Variants in CDKAL1 observed in about 807,000 individuals in gnomAD.
CDKAL1 encodes the protein threonylcarbamoyladenosine tRNA methylthiotransferase.
CDKAL1 carries 32 observed loss-of-function variants against 68.2 expected under a neutral mutation model. That is an observed-to-expected ratio of 0.47 (90% CI 0.35 to 0.63). CDKAL1 has a LOEUF of 0.63. CDKAL1 is among the 30% of genes least tolerant of loss of function. CDKAL1 has a pLI of 0.00. For synonymous variants in CDKAL1, 234 were observed against 244.3 expected (o/e 0.96, Z 0.39); for missense variants, 606 against 696.7 (o/e 0.87, Z 1.47).
chr6:21,134,141 GA>G (rs113453448), intron 13 of CDKAL1, among the ~76,000 whole-genome samples: 32 of 151,678 alleles, frequency 2.1e-4, no homozygotes, highest in Non-Finnish European at 1.5e-5. Context: ...ATAATGTCGA[GA>G]AAAAAAAGAG....
At chr6:20,703,722 T>C (rs1296569346) in intron 5 of CDKAL1, among the ~76,000 whole-genome samples, 1 of 152,090 alleles carries the variant, frequency 6.6e-6, no homozygotes, top group Non-Finnish European at 1.5e-5. Flanking sequence ...AAAAACATGA[T>C]ATAATAGTAA....
chr6:20,947,680 C>T (rs1764316144), intron 9 of CDKAL1, among the ~76,000 whole-genome samples: 2 of 152,164 alleles, frequency 1.3e-5, no homozygotes, highest in Non-Finnish European at 2.9e-5. Flanking sequence ...CTTAGCGTAG[C>T]CTACCTTAAA....
intron 13 of CDKAL1, among the ~76,000 whole-genome samples, chr6:21,161,553 T>C (rs967770293): frequency 2.0e-5 from 3 of 152,216 alleles, no homozygotes; most frequent in East Asian, 1.9e-4. Flanking sequence ...TAATCACTTA[T>C]TTGCCTTTCT....
At chr6:21,185,225 A>G (rs938510237) in intron 13 of CDKAL1, among the ~76,000 whole-genome samples, 1 of 91,350 alleles carries the variant, frequency 1.1e-5, no homozygotes, top group Non-Finnish European at 2.7e-5. Context: ...AGAGGCCATT[A>G]AAAAAAAAAA....
At chr6:21,203,775 C>T (rs1434439735) in intron 15 of CDKAL1, among the ~76,000 whole-genome samples, 2 of 146,074 alleles carry the variant, frequency 1.4e-5, no homozygotes, top group African/African-American at 5.1e-5. Context: ...GATCTCACTG[C>T]AACCTCCACC....
At chr6:20,688,933 G>T (rs1770751958) in intron 5 of CDKAL1, among the ~76,000 whole-genome samples, 3 of 152,220 alleles carry the variant, frequency 2.0e-5, no homozygotes, top group Non-Finnish European at 4.4e-5. Flanking sequence ...TTAGGTCTCA[G>T]TCCTTTAGTA....
At chr6:20,578,777 A>T (rs1765019109) in intron 4 of CDKAL1, among the ~76,000 whole-genome samples, 1 of 152,192 alleles carries the variant, frequency 6.6e-6, no homozygotes, top group African/African-American at 2.4e-5. Context: ...GAAGAAGTTG[A>T]CTTGGTGTTT....
intron 9 of CDKAL1, among the ~76,000 whole-genome samples, chr6:20,910,473 G>A (rs530007672): frequency 6.6e-6 from 1 of 152,324 alleles, no homozygotes; most frequent in South Asian, 2.1e-4. Context: ...CTTTCCTGTG[G>A]AGAAAATAGA....
At chr6:20,713,173 A>G (rs962782443) in intron 5 of CDKAL1, among the ~76,000 whole-genome samples, 2 of 152,220 alleles carry the variant, frequency 1.3e-5, no homozygotes, top group Non-Finnish European at 2.9e-5. Flanking sequence ...AATGCAAAGC[A>G]TATACCTGGA....
chr6:20,757,168 A>G (rs1369318051), intron 6 of CDKAL1, among the ~76,000 whole-genome samples: 1 of 152,000 alleles, frequency 6.6e-6, no homozygotes, highest in African/African-American at 2.4e-5. Flanking sequence ...CCTGACCTCA[A>G]GTGATCTGCC....
At chr6:21,034,745 C>T (rs943399931) in intron 11 of CDKAL1, among the ~76,000 whole-genome samples, 4 of 152,124 alleles carry the variant, frequency 2.6e-5, no homozygotes, top group Non-Finnish European at 4.4e-5. Context: ...TTTGTTCATC[C>T]AAGCAAAAAA....
At chr6:21,198,996 G>A (rs1260555700) in intron 14 of CDKAL1, among the ~76,000 whole-genome samples, 1 of 152,238 alleles carries the variant, frequency 6.6e-6, no homozygotes, top group Non-Finnish European at 1.5e-5. Flanking sequence ...GCCTGTGTGG[G>A]AGACTGTCAT....
intron 10 of CDKAL1, among the ~76,000 whole-genome samples, chr6:20,963,117 C>T (rs185863577): frequency 4.0e-4 from 61 of 152,300 alleles, no homozygotes; most frequent in Non-Finnish European, 6.8e-4. Flanking sequence ...GGAACAGCCT[C>T]TCTGGAAGGG....
intron 5 of CDKAL1, among the ~76,000 whole-genome samples, chr6:20,695,200 G>A (rs1771056011): frequency 6.6e-6 from 1 of 152,108 alleles, no homozygotes; most frequent in Non-Finnish European, 1.5e-5. Flanking sequence ...AAAACAAGTT[G>A]TCTATGGCCT....
At chr6:21,015,135 G>A (rs186144807) in intron 11 of CDKAL1, among the ~76,000 whole-genome samples, 12 of 152,182 alleles carry the variant, frequency 7.9e-5, no homozygotes, top group East Asian at 5.8e-4. Flanking sequence ...GCCTGCTGCC[G>A]GAATTACTGA....
At chr6:20,869,318 A>C (rs1321979424) in intron 9 of CDKAL1, among the ~76,000 whole-genome samples, 1 of 152,216 alleles carries the variant, frequency 6.6e-6, no homozygotes, top group African/African-American at 2.4e-5. Flanking sequence ...TTTAAATTAA[A>C]ATAGAGTATT....
chr6:21,059,758 GATTTTAAAAAT>G (rs1771039404), intron 11 of CDKAL1, among the ~76,000 whole-genome samples: 1 of 151,958 alleles, frequency 6.6e-6, no homozygotes, highest in Non-Finnish European at 1.5e-5. Flanking sequence ...CCCCTCCCCT[GATTTTAAAAAT>G]ATTTTTAAGT....
intron 11 of CDKAL1, among the ~76,000 whole-genome samples, chr6:21,047,429 A>G (rs201334): frequency 0.18 from 27,513 of 152,182 alleles, 2,589 homozygotes; most frequent in Middle Eastern, 0.24. Flanking sequence ...GACGTAAAGG[A>G]AAATATTGAA....
At chr6:20,626,862 T>C (rs1767454031) in intron 4 of CDKAL1, among the ~76,000 whole-genome samples, 1 of 152,158 alleles carries the variant, frequency 6.6e-6, no homozygotes, top group African/African-American at 2.4e-5. Flanking sequence ...CTGGAAGCTG[T>C]GTAGTACAAC....
Sources: gnomAD v4.1 joint callset for allele counts (sites outside exome capture counted in the v4.1 genomes callset) on GRCh38, gnomAD v4.1.1 for gene constraint, MANE v1.5 for transcripts, NCBI Gene and HGNC (gene_info 2026-07-23, HGNC 2026-07-21) for gene names.